The following ZNF407 variants were observed in gnomAD, a reference collection of about 807,000 sequenced individuals.
The protein encoded by ZNF407 is zinc finger protein 407.
A neutral mutation model predicts 131.2 loss-of-function variants in ZNF407; 17 were observed. The observed-to-expected ratio is 0.13, with a 90% confidence interval of 0.09 to 0.19. ZNF407 has a LOEUF of 0.19. Among genes scored for constraint, ZNF407 ranks in the 10% least tolerant of loss-of-function variants. ZNF407 has a pLI of 1.00. For missense variants in ZNF407, 2,681 were observed against 2,830.6 expected, an observed-to-expected ratio of 0.95 and a Z score of 1.20; for synonymous variants, 1,156 against 1,062.0, an observed-to-expected ratio of 1.09 and a Z score of -1.72.
intron 3 of ZNF407, among the ~76,000 whole-genome samples, chr18:74,772,309 A>C (rs1969379025): frequency 6.6e-6 from 1 of 152,198 alleles, no homozygotes; most frequent in African/African-American, 2.4e-5. Context: ...TAAATTACAG[A>C]TTTTACTTAT....
intron 6 of ZNF407, 34 bp from the exon 7 acceptor site, chr18:74,889,884 T>A (rs1279678695): frequency 1.4e-5 from 22 of 1,575,180 alleles, no homozygotes; most frequent in Non-Finnish European, 1.8e-5. Flanking sequence ...GTTGTTATTA[T>A]TATTCATCTG....
At chr18:74,864,845 G>C (rs1375773381) in intron 4 of ZNF407, among the ~76,000 whole-genome samples, 1 of 152,122 alleles carries the variant, frequency 6.6e-6, no homozygotes, top group East Asian at 1.9e-4. Flanking sequence ...CAAAGATAGG[G>C]CATTAGAGAA....
At chr18:74,932,518 T>A (rs1971994106) in intron 8 of ZNF407, among the ~76,000 whole-genome samples, 1 of 152,206 alleles carries the variant, frequency 6.6e-6, no homozygotes, top group Non-Finnish European at 1.5e-5. Flanking sequence ...TCATCACAAA[T>A]GTGTTTGGCT....
intron 8 of ZNF407, among the ~76,000 whole-genome samples, chr18:75,014,739 T>G (rs997207098): frequency 5.9e-5 from 9 of 152,158 alleles, no homozygotes; most frequent in African/African-American, 2.2e-4. Context: ...ACGTGTTGTT[T>G]TTTTTATATA....
chr18:75,028,044 G>A (rs1051720439), intron 8 of ZNF407, among the ~76,000 whole-genome samples: 2 of 152,188 alleles, frequency 1.3e-5, no homozygotes, highest in Non-Finnish European at 2.9e-5. Context: ...CTGGGCCACT[G>A]CAGTCCTGGA....
At chr18:74,938,247 C>T (rs1032294337) in intron 8 of ZNF407, among the ~76,000 whole-genome samples, 1 of 152,188 alleles carries the variant, frequency 6.6e-6, no homozygotes, top group Admixed American at 6.5e-5. Context: ...TTATCCCCAG[C>T]ATCATGCTCT....
intron 3 of ZNF407, among the ~76,000 whole-genome samples, chr18:74,736,839 G>A (rs1378920516): frequency 1.3e-5 from 2 of 152,104 alleles, no homozygotes; most frequent in African/African-American, 4.8e-5. Context: ...CGTTCATATA[G>A]TGATGGGTCC....
At chr18:74,685,222 G>A (rs1317625595) in intron 3 of ZNF407, among the ~76,000 whole-genome samples, 1 of 152,134 alleles carries the variant, frequency 6.6e-6, no homozygotes, top group East Asian at 1.9e-4. Flanking sequence ...GGAATATGAA[G>A]TATAATGCCT....
chr18:74,807,697 A>G (rs1970132723), intron 4 of ZNF407, among the ~76,000 whole-genome samples: 1 of 152,224 alleles, frequency 6.6e-6, no homozygotes, highest in Non-Finnish European at 1.5e-5. Context: ...CCATTCATTT[A>G]AAAGTACATG....
intron 8 of ZNF407, among the ~76,000 whole-genome samples, chr18:74,975,150 A>G (rs1172004931): frequency 6.6e-6 from 1 of 152,250 alleles, no homozygotes; most frequent in African/African-American, 2.4e-5. Context: ...ATTAAAATGC[A>G]TAGAGCTGAC....
At position 74,633,915 on chromosome 18, in the gene ZNF407, A is replaced by G. The variant is rs201972704; in HGVS notation, c.2896A>G (p.Ile966Val). 223 of 1,613,920 alleles carry G rather than the reference A, an allele frequency of 1.4e-4. No homozygotes were observed. The highest frequency in any genetic ancestry group is 1.5e-4 in the Non-Finnish European group (180 of 1,179,902). Reference sequence around the variant, plus strand: ...AGAGAAGCCAGATCGTGGAAACTCAATTGAAGCTGAAGTTGAAAATGTATT... The same window carrying G: ...AGAGAAGCCAGATCGTGGAAACTCAGTTGAAGCTGAAGTTGAAAATGTATT... Reference protein sequence around the residue: ...VLEKPDRGNSIEAEVENVFHS... With the variant: ...VLEKPDRGNSVEAEVENVFHS... Residue 966 changes from isoleucine (I) to valine (V), a missense_variant, in exon 2 of 9, where the codon ATT (isoleucine) becomes GTT (valine). Physicochemically the swap from Ile to Val is conservative, Grantham distance 29. Around this residue, in one of 6 missense-constraint regions of ZNF407, gnomAD observed 1,789 missense variants for 1,748.7 expected, o/e 1.02. Coordinates refer to ENST00000299687, the MANE Select transcript of ZNF407 (RefSeq NM_017757.3).
chr18:74,759,437 T>A (rs1969041474), intron 3 of ZNF407, among the ~76,000 whole-genome samples: 1 of 152,186 alleles, frequency 6.6e-6, no homozygotes, highest in Admixed American at 6.5e-5. Flanking sequence ...TTTCCTGCCC[T>A]CTTCTTACTA....
At chr18:75,019,740 C>T (rs969367281) in intron 8 of ZNF407, among the ~76,000 whole-genome samples, 1 of 152,082 alleles carries the variant, frequency 6.6e-6, no homozygotes. Flanking sequence ...CCACAGGCTG[C>T]ACAGGAGGCA....
At chr18:74,975,458 T>C (rs1244097572) in intron 8 of ZNF407, among the ~76,000 whole-genome samples, 2 of 152,226 alleles carry the variant, frequency 1.3e-5, no homozygotes, top group Non-Finnish European at 2.9e-5. Context: ...TTAAAGGTCA[T>C]TCATAAAGAT....
chr18:74,676,248 C>T (rs934376764), intron 3 of ZNF407, among the ~76,000 whole-genome samples: 3 of 151,606 alleles, frequency 2.0e-5, no homozygotes, highest in African/African-American at 7.3e-5. Flanking sequence ...CATGCTGCCA[C>T]GCCCGGCTAA....
At position 75,063,874 on chromosome 18, in the gene ZNF407, C is replaced by A. The variant is rs373080209; in HGVS notation, c.6153C>A (p.Ala2051=). ...QMFPQAQESP[A]AVEVLTQVVH... ...TCCCACAGGCCCAGGAGAGCCCGGC[C>A]GCCGTGGAGGTGCTCACCCAGGTGG... is the stretch of plus-strand genomic sequence containing the variant. The change falls in exon 9 of 9, where the codon GCC becomes GCA. Residue 2051 remains alanine, a synonymous_variant. Transcript: ENST00000299687. This position sits in a 1 kb window ranked among gnomAD's most constrained non-coding sequence, Gnocchi z 6.6. 9.3e-6 allele frequency: 15 copies of A among 1,612,180 alleles called. No homozygotes were observed. Among genetic ancestry groups the A allele is most frequent in the Non-Finnish European group, 1.3e-5 (15 of 1,179,494 alleles).
chr18:74,813,270 T>A (rs1363262163), intron 4 of ZNF407, among the ~76,000 whole-genome samples: 2 of 152,136 alleles, frequency 1.3e-5, no homozygotes, highest in African/African-American at 4.8e-5. Flanking sequence ...TGGGCATAGC[T>A]TCTCTCTCCT....
At chr18:75,029,354 C>T (rs1431663474) in intron 8 of ZNF407, among the ~76,000 whole-genome samples, 1 of 152,158 alleles carries the variant, frequency 6.6e-6, no homozygotes, top group African/African-American at 2.4e-5. Context: ...TCTACGTTAA[C>T]CCAGAAGCAG....
intron 3 of ZNF407, among the ~76,000 whole-genome samples, chr18:74,723,016 C>A (rs1398472715): frequency 6.6e-6 from 1 of 151,986 alleles, no homozygotes; most frequent in Non-Finnish European, 1.5e-5. Context: ...GTCCATTTTT[C>A]TCCGTCTGTT....
Sources: gnomAD v4.1 joint callset for allele counts (sites outside exome capture counted in the v4.1 genomes callset) on GRCh38, gnomAD v4.1.1 for gene constraint, gnomAD v4.1.1 regional missense constraint, Gnocchi (gnomAD v3.1) non-coding constraint, MANE v1.5 for transcripts, NCBI Gene and HGNC (gene_info 2026-07-23, HGNC 2026-07-21) for gene names.